FBXW7: variants seen among roughly 807,000 people sequenced by gnomAD.
FBXW7 encodes F-box and WD repeat domain containing 7.
A neutral mutation model predicts 86.3 loss-of-function variants in FBXW7; 11 were observed. That is an observed-to-expected ratio of 0.13 (90% confidence interval 0.08 to 0.21). FBXW7 has a LOEUF of 0.21. Among genes scored for constraint, FBXW7 ranks in the 10% least tolerant of loss-of-function variants. FBXW7 has a pLI of 1.00. For missense variants in FBXW7, 488 were observed against 847.4 expected, an observed-to-expected ratio of 0.58 and a Z score of 5.27; for synonymous variants, 313 against 297.9, an observed-to-expected ratio of 1.05 and a Z score of -0.52.
At chr4:152,326,673 T>C (rs1026247519) in intron 11 of FBXW7, among the ~76,000 whole-genome samples, 20 of 152,128 alleles carry the variant, frequency 1.3e-4, no homozygotes, top group African/African-American at 4.8e-4. Flanking sequence ...AAATTTTCTT[T>C]ATGTTCTTTG....
At chr4:152,421,573 T>C (rs975688561) in intron 2 of FBXW7, among the ~76,000 whole-genome samples, 4 of 152,158 alleles carry the variant, frequency 2.6e-5, no homozygotes, top group African/African-American at 7.2e-5. Context: ...AGAAAGGAAC[T>C]TTTCCTCTGT....
At chr4:152,487,554 T>TA (rs1745460781) in intron 2 of FBXW7, among the ~76,000 whole-genome samples, 1 of 152,064 alleles carries the variant, frequency 6.6e-6, no homozygotes, top group Non-Finnish European at 1.5e-5. Context: ...AAATATGTGG[T>TA]AAAAAGTATT....
intron 2 of FBXW7, among the ~76,000 whole-genome samples, chr4:152,474,732 C>G (rs1744244645): frequency 6.6e-6 from 1 of 152,100 alleles, no homozygotes; most frequent in Admixed American, 6.5e-5. Flanking sequence ...ATAGTATAAT[C>G]TTGGCTCACT....
intron 5 of FBXW7, among the ~76,000 whole-genome samples, chr4:152,347,576 A>T (rs1731391615): frequency 6.6e-6 from 1 of 152,144 alleles, no homozygotes; most frequent in African/African-American, 2.4e-5. Context: ...ATGCCTTCAA[A>T]ATTGTCTATA....
At chr4:152,432,392 A>G (rs982292779) in intron 2 of FBXW7, among the ~76,000 whole-genome samples, 11 of 152,242 alleles carry the variant, frequency 7.2e-5, no homozygotes, top group Non-Finnish European at 1.5e-4. Context: ...ACAGACAGAG[A>G]TGTTTTTAAT....
chr4:152,530,136 CG>C (rs1320228699), intron 2 of FBXW7: 2 of 147,482 alleles, frequency 1.4e-5, no homozygotes, highest in Non-Finnish European at 3.0e-5. Context: ...TATATATATA[CG>C]TATATATATG....
intron 2 of FBXW7, among the ~76,000 whole-genome samples, chr4:152,467,299 T>G (rs1743542453): frequency 6.6e-6 from 1 of 152,166 alleles, no homozygotes; most frequent in Non-Finnish European, 1.5e-5. Flanking sequence ...CGATTCACTC[T>G]GCACTTCTCC....
At chr4:152,438,875 T>C (rs74289468) in intron 2 of FBXW7, among the ~76,000 whole-genome samples, 4,673 of 152,264 alleles carry the variant, frequency 0.031, 121 homozygotes, top group African/African-American at 0.062. Context: ...GCAGCAATGA[T>C]AAAACAATGG....
At chr4:152,512,001 T>C (rs1042643413) in intron 2 of FBXW7, among the ~76,000 whole-genome samples, 1 of 152,152 alleles carries the variant, frequency 6.6e-6, no homozygotes, top group South Asian at 2.1e-4. Context: ...AGAAAATCAA[T>C]GATTTGAATG....
chr4:152,349,271 T>C (rs908652912), intron 5 of FBXW7, among the ~76,000 whole-genome samples: 3 of 151,506 alleles, frequency 2.0e-5, no homozygotes, highest in Non-Finnish European at 3.0e-5. Flanking sequence ...CAATCACTTA[T>C]TTTAAAAACT....
At chr4:152,380,093 TAGAA>T (rs1206739413) in intron 4 of FBXW7, among the ~76,000 whole-genome samples, 1 of 152,110 alleles carries the variant, frequency 6.6e-6, no homozygotes, top group East Asian at 1.9e-4. Context: ...GCTCATGACT[TAGAA>T]GGAAAAAAGT....
chr4:152,380,498 AT>A (rs1175171773), intron 4 of FBXW7, among the ~76,000 whole-genome samples: 1 of 151,684 alleles, frequency 6.6e-6, no homozygotes, highest in Non-Finnish European at 1.5e-5. Flanking sequence ...CATTTTTAAT[AT>A]TTAGTTTTAT....
chr4:152,383,086 T>C (rs565964670), intron 4 of FBXW7, among the ~76,000 whole-genome samples: 70 of 152,158 alleles, frequency 4.6e-4, no homozygotes, highest in Non-Finnish European at 9.6e-4. Context: ...GAGTTTTCAA[T>C]TGTCAATCTT....
chr4:152,327,109 C>T (rs1400207337), intron 11 of FBXW7, among the ~76,000 whole-genome samples: 2 of 151,822 alleles, frequency 1.3e-5, no homozygotes, highest in Admixed American at 6.6e-5. Flanking sequence ...TAAAGAAATA[C>T]CACAGTTTCC....
chr4:152,448,667 A>C (rs1040767410), intron 2 of FBXW7, among the ~76,000 whole-genome samples: 2 of 152,202 alleles, frequency 1.3e-5, no homozygotes, highest in African/African-American at 4.8e-5. Flanking sequence ...CAAAATTGTC[A>C]AACTGCCTCA....
At chr4:152,350,903 T>C in intron 4 of FBXW7, among the ~76,000 whole-genome samples, 1 of 152,026 alleles carries the variant, frequency 6.6e-6, no homozygotes, top group Admixed American at 6.5e-5. Context: ...AGGTGTTTCA[T>C]TATGCCATGT....
At chr4:152,356,510 G>A (rs1270242397) in intron 4 of FBXW7, among the ~76,000 whole-genome samples, 1 of 152,050 alleles carries the variant, frequency 6.6e-6, no homozygotes, top group Non-Finnish European at 1.5e-5. Context: ...TTATTATCAT[G>A]ACAACACTTT....
chr4:152,323,384 G>A (rs547383159), intron 13 of FBXW7: 9 of 558,748 alleles, frequency 1.6e-5, no homozygotes, highest in Non-Finnish European at 2.5e-5. Context: ...CAAGAAGCTT[G>A]GTTAGCTACC....
intron 2 of FBXW7, among the ~76,000 whole-genome samples, chr4:152,458,311 G>A (rs886544375): frequency 6.6e-6 from 1 of 152,110 alleles, no homozygotes; most frequent in African/African-American, 2.4e-5. Flanking sequence ...GAGCCACCGC[G>A]CCCGGCCTAA....
Sources: allele counts gnomAD v4.1 joint callset (sites outside exome capture counted in the v4.1 genomes callset), GRCh38; gene constraint gnomAD v4.1.1; transcripts MANE v1.5; gene names NCBI Gene and HGNC (gene_info 2026-07-23, HGNC 2026-07-21).